Variants in RGS7 observed in about 807,000 individuals in gnomAD.
RGS7 encodes regulator of G-protein signaling 7.
A neutral mutation model predicts 81.1 loss-of-function variants in RGS7; 27 were observed. The observed-to-expected ratio is 0.33, with a 90% CI of 0.25 to 0.46. The LOEUF (loss-of-function observed/expected upper bound fraction) is 0.46, where lower values mean the gene tolerates loss of function less well. RGS7 is among the 20% of genes least tolerant of loss of function. The pLI is 1.00. For synonymous variants in RGS7, 208 were observed against 207.7 expected (o/e 1.00, Z -0.01); for missense variants, 396 against 607.4 (o/e 0.65, Z 3.66).
At chr1:241,178,965 G>C (rs573040155) in intron 2 of RGS7, among the ~76,000 whole-genome samples, 10 of 152,312 alleles carry the variant, frequency 6.6e-5, no homozygotes, top group African/African-American at 2.2e-4. Context: ...CTGTAGCCCA[G>C]CCTAAAGACA....
chr1:241,161,444 TAAC>T (rs1357592591), intron 2 of RGS7, among the ~76,000 whole-genome samples: 2 of 150,326 alleles, frequency 1.3e-5, no homozygotes, highest in East Asian at 1.9e-4. Flanking sequence ...TAACTAATAA[TAAC>T]TAATGGCACA....
intron 3 of RGS7, among the ~76,000 whole-genome samples, chr1:241,061,807 C>T (rs1316916929): frequency 6.6e-6 from 1 of 152,182 alleles, no homozygotes; most frequent in Non-Finnish European, 1.5e-5. Flanking sequence ...ATACTTCCTG[C>T]TAGCCTAGAC....
intron 14 of RGS7, among the ~76,000 whole-genome samples, chr1:240,808,929 T>C (rs1317398014): frequency 1.4e-5 from 2 of 146,160 alleles, no homozygotes; most frequent in Admixed American, 1.4e-4. Flanking sequence ...GCTAAGTAAG[T>C]ATTTTTAATG....
At chr1:241,137,782 C>A (rs2067627689) in intron 2 of RGS7, among the ~76,000 whole-genome samples, 1 of 152,214 alleles carries the variant, frequency 6.6e-6, no homozygotes. Flanking sequence ...CATATCACTG[C>A]TTCTAATGAG....
chr1:241,350,405 T>C (rs1212379335), intron 2 of RGS7, among the ~76,000 whole-genome samples: 5 of 152,172 alleles, frequency 3.3e-5, no homozygotes, highest in African/African-American at 4.8e-5. Context: ...TTTTCAGAAA[T>C]GGCAAGATCC....
At position 241,120,636 on chromosome 1, in the gene RGS7, G is replaced by A. The variant is rs551839124; in HGVS notation, c.79-21874C>T. On this transcript the variant is annotated intron_variant, in intron 2 of 18. Transcript: ENST00000440928. ...GTGGGAATTACAGGCATGAGCCACC[G>A]CGCCTGGCCTAAACTGTGAAATTCT... 3.3e-3 allele frequency among the ~76,000 whole-genome samples: 507 copies of A among 152,218 alleles called. 4 individuals are homozygous for A. The highest frequency in any genetic ancestry group is 0.012 in the African/African-American group (486 of 41,542).
chr1:241,314,433 T>C (rs2080741739), intron 2 of RGS7, among the ~76,000 whole-genome samples: 1 of 152,204 alleles, frequency 6.6e-6, no homozygotes, highest in Admixed American at 6.5e-5. Context: ...TAAGTTAAGG[T>C]ATGTACCTTG....
chr1:241,083,396 G>C (rs1372475845), intron 3 of RGS7, among the ~76,000 whole-genome samples: 1 of 152,110 alleles, frequency 6.6e-6, no homozygotes, highest in Non-Finnish European at 1.5e-5. Context: ...AATAAGGAAA[G>C]AGTAACAACC....
chr1:240,960,695 T>C (rs397733), intron 4 of RGS7, among the ~76,000 whole-genome samples: 151,984 of 152,172 alleles, frequency 1, 75,898 homozygotes, highest in Middle Eastern at 1. Flanking sequence ...TTAACCTATG[T>C]ACAGTCACTT....
chr1:240,924,507 A>G (rs1465018366), intron 6 of RGS7, among the ~76,000 whole-genome samples: 1 of 152,184 alleles, frequency 6.6e-6, no homozygotes, highest in Non-Finnish European at 1.5e-5. Context: ...TGTGGGGAAC[A>G]AATTTTTCCT....
At chr1:241,132,890 G>T (rs1001435088) in intron 2 of RGS7, among the ~76,000 whole-genome samples, 2 of 152,018 alleles carry the variant, frequency 1.3e-5, no homozygotes, top group Non-Finnish European at 2.9e-5. Context: ...AGCCTCCCAA[G>T]TAGCTGGGAT....
chr1:241,182,497 A>C (rs1299701517), intron 2 of RGS7, among the ~76,000 whole-genome samples: 1 of 152,182 alleles, frequency 6.6e-6, no homozygotes, highest in African/African-American at 2.4e-5. Flanking sequence ...ATGATAATTC[A>C]CACGCTCAGG....
At chr1:241,104,739 T>A (rs1445117239) in intron 2 of RGS7, among the ~76,000 whole-genome samples, 1 of 152,242 alleles carries the variant, frequency 6.6e-6, no homozygotes, top group East Asian at 1.9e-4. Flanking sequence ...AAACTTTTTA[T>A]GCTTCTGTTA....
intron 2 of RGS7, among the ~76,000 whole-genome samples, chr1:241,281,362 T>C (rs1240310272): frequency 4.6e-5 from 7 of 152,246 alleles, no homozygotes; most frequent in Admixed American, 2.6e-4. Context: ...GTTGTGAGTA[T>C]CCACTTAAAA....
At chr1:241,156,153 GATA>G (rs2069122865) in intron 2 of RGS7, among the ~76,000 whole-genome samples, 1 of 151,244 alleles carries the variant, frequency 6.6e-6, no homozygotes, top group Non-Finnish European at 1.5e-5. Context: ...TAGATAGATA[GATA>G]GATAGATAGA....
chr1:240,926,390 A>G (rs1674442483), intron 6 of RGS7, among the ~76,000 whole-genome samples: 1 of 152,218 alleles, frequency 6.6e-6, no homozygotes, highest in Admixed American at 6.5e-5. Context: ...TCATTATTAA[A>G]TAAGGAATCC....
chr1:241,238,361 T>G (rs1326296724), intron 2 of RGS7, among the ~76,000 whole-genome samples: 2 of 152,202 alleles, frequency 1.3e-5, no homozygotes, highest in Non-Finnish European at 2.9e-5. Flanking sequence ...TGACTTGGCC[T>G]TGCTTGCAAC....
rs141542416 is a variant in RGS7, at chr1:241,026,923, C to T, written c.176-43794G>A. On this transcript the variant is annotated intron_variant, in intron 3 of 18. Coordinates refer to ENST00000440928, the MANE Select transcript of RGS7 (RefSeq NM_001364886.1). ...GAATCAAAGGAAAGGGTTTTGTACG[C>T]GTAAGAAATGGTAAGAGGAGAGGTA... Among the ~76,000 whole-genome samples the T allele has an allele frequency of 4.3e-3, 643 of 150,908 alleles. 1 individual carries two copies. The highest frequency in any genetic ancestry group is 0.01 in the Middle Eastern group (3 of 294).
At chr1:241,242,873 G>A (rs1399268608) in intron 2 of RGS7, among the ~76,000 whole-genome samples, 2 of 152,088 alleles carry the variant, frequency 1.3e-5, no homozygotes, top group Non-Finnish European at 2.9e-5. Flanking sequence ...GTACATTCTG[G>A]ATATTAGTCC....
Sources: allele counts gnomAD v4.1 joint callset (sites outside exome capture counted in the v4.1 genomes callset), GRCh38; gene constraint gnomAD v4.1.1; transcripts MANE v1.5; gene names NCBI Gene and HGNC (gene_info 2026-07-23, HGNC 2026-07-21).